BCKDHB: variants seen among roughly 807,000 people sequenced by gnomAD.
The protein encoded by BCKDHB is 2-oxoisovalerate dehydrogenase subunit beta, mitochondrial.
In BCKDHB, 41 loss-of-function variants were observed where a neutral mutation model predicts 48.5. The observed-to-expected ratio is 0.85, with a 90% CI of 0.66 to 1.10. The LOEUF is 1.10. Among genes scored for constraint, BCKDHB ranks in the 50% least tolerant of loss-of-function variants. The probability of loss-of-function intolerance (pLI) is 0.00; values close to 1 mark genes in which losing one functional copy is unlikely to be tolerated. For missense variants in BCKDHB, 496 were observed against 494.2 expected, an observed-to-expected ratio of 1.00 and a Z score of -0.03; for synonymous variants, 201 against 174.8, an observed-to-expected ratio of 1.15 and a Z score of -1.18.
At chr6:80,234,664 G>A (rs191457665) in intron 8 of BCKDHB, among the ~76,000 whole-genome samples, 10 of 152,120 alleles carry the variant, frequency 6.6e-5, no homozygotes, top group African/African-American at 1.7e-4. Context: ...ACTGCCATGC[G>A]ACCCAGCAAT....
At chr6:80,179,835 G>T (rs891365672) in intron 6 of BCKDHB, among the ~76,000 whole-genome samples, 4 of 152,090 alleles carry the variant, frequency 2.6e-5, no homozygotes, top group Non-Finnish European at 4.4e-5. Flanking sequence ...AGTCATTAAG[G>T]GACCTAGTCA....
At chr6:80,318,717 G>GA (rs1237597968) in intron 9 of BCKDHB, among the ~76,000 whole-genome samples, 1 of 145,616 alleles carries the variant, frequency 6.9e-6, no homozygotes, top group Admixed American at 6.8e-5. Flanking sequence ...AAAGAAATTA[G>GA]AAAAAAAAAT....
At chr6:80,182,125 G>A (rs1773441388) in intron 6 of BCKDHB, among the ~76,000 whole-genome samples, 1 of 152,136 alleles carries the variant, frequency 6.6e-6, no homozygotes, top group Admixed American at 6.5e-5. Context: ...TCGCATGGTA[G>A]CATTTCTTGT....
intron 3 of BCKDHB, among the ~76,000 whole-genome samples, chr6:80,161,542 G>C (rs1175346280): frequency 6.6e-6 from 1 of 152,044 alleles, no homozygotes; most frequent in Non-Finnish European, 1.5e-5. Flanking sequence ...TGCCGGGTAA[G>C]TAAGTGCTAA....
chr6:80,197,335 C>T (rs1035569282), intron 6 of BCKDHB, among the ~76,000 whole-genome samples: 2 of 152,044 alleles, frequency 1.3e-5, no homozygotes, highest in South Asian at 4.1e-4. Flanking sequence ...TTCTTATTCT[C>T]CTGTTCTCAG....
rs77490519 is a variant in BCKDHB, at chr6:80,144,767, T to G, written c.343+15538T>G. ...CTCCCATTACATTGAAAGATTTCAG[T>G]AAAGTAAAATTTCAGTAAAATTTGT... is the stretch of plus-strand genomic sequence containing the variant. On this transcript the variant is annotated intron_variant, in intron 3 of 9. Transcript: ENST00000320393. Among the ~76,000 whole-genome samples, 1,208 of 152,246 alleles carry G rather than the reference T, an allele frequency of 7.9e-3. 29 individuals are homozygous for G. The highest frequency in any genetic ancestry group is 0.066 in the Admixed American group (1,001 of 15,276).
At chr6:80,179,614 A>G (rs1773320052) in intron 6 of BCKDHB, among the ~76,000 whole-genome samples, 1 of 152,150 alleles carries the variant, frequency 6.6e-6, no homozygotes, top group Non-Finnish European at 1.5e-5. Context: ...CCCCATGCAT[A>G]CCAAGGGATG....
rs60400623 is a variant in BCKDHB, at chr6:80,333,162, G to A, written c.1039-10502G>A. On this transcript the variant is annotated intron_variant, in intron 9 of 9. Transcript: ENST00000320393. ...AGTACAGAATTCCCCTTGTATCCAA[G>A]CAAGACTTTTACGAAAACTTAAACC... is the stretch of plus-strand genomic sequence containing the variant. 4.4e-3 allele frequency among the ~76,000 whole-genome samples: 674 copies of A among 152,176 alleles called. 3 individuals carry two copies. The highest frequency in any genetic ancestry group is 0.016 in the African/African-American group (646 of 41,504).
intron 6 of BCKDHB, 50 bp from the exon 7 acceptor site, chr6:80,200,884 T>G (rs543879569): frequency 7.2e-7 from 1 of 1,379,604 alleles, no homozygotes; most frequent in Non-Finnish European, 1.0e-6. Context: ...TATGCACAAG[T>G]GTCACCTCAG....
At chr6:80,141,283 CA>C (rs1044916775) in intron 3 of BCKDHB, among the ~76,000 whole-genome samples, 1 of 151,688 alleles carries the variant, frequency 6.6e-6, no homozygotes, top group African/African-American at 2.4e-5. Flanking sequence ...AAAAACCCTT[CA>C]AAAATAAGGA....
At chr6:80,145,729 A>C (rs1379129399) in intron 3 of BCKDHB, among the ~76,000 whole-genome samples, 1 of 152,192 alleles carries the variant, frequency 6.6e-6, no homozygotes, top group African/African-American at 2.4e-5. Context: ...AGTGGGCTGA[A>C]ATATGCTCAG....
At chr6:80,156,706 A>G (rs1019319699) in intron 3 of BCKDHB, among the ~76,000 whole-genome samples, 1 of 152,184 alleles carries the variant, frequency 6.6e-6, no homozygotes, top group African/African-American at 2.4e-5. Context: ...CCATGAGGTT[A>G]TCAGTACTGT....
intron 9 of BCKDHB, among the ~76,000 whole-genome samples, chr6:80,336,239 T>G (rs1769585189): frequency 6.6e-6 from 1 of 151,908 alleles, no homozygotes; most frequent in Admixed American, 6.6e-5. Flanking sequence ...TATATTAATG[T>G]ATGATTTTAT....
At chr6:80,208,048 G>A (rs1216612599) in intron 8 of BCKDHB, among the ~76,000 whole-genome samples, 1 of 151,786 alleles carries the variant, frequency 6.6e-6, no homozygotes, top group Non-Finnish European at 1.5e-5. Context: ...AATAGAATAT[G>A]TAGCATTTGT....
rs1770070456 is a variant in BCKDHB, at chr6:80,122,313, C to CT, written c.197-5232dup. 2.0e-5 allele frequency among the ~76,000 whole-genome samples: 3 copies of CT among 152,258 alleles called. No individual in the cohort carries two copies. In the South Asian group the frequency reaches 6.2e-4, roughly 32 times the overall value. On this transcript the variant is annotated intron_variant, in intron 1 of 9. Transcript: ENST00000320393. ...ATCAGGGATATTAGTCTAAAATTCT[C>CT]TTCTTTTGTTGTGTCTGTCAGGCTT...
intron 6 of BCKDHB, 82 bp from the exon 7 acceptor site, chr6:80,200,852 C>T: frequency 9.1e-7 from 1 of 1,101,518 alleles, no homozygotes; most frequent in Non-Finnish European, 1.4e-6. Flanking sequence ...AGCTTTGCTA[C>T]AGTGAGCTTC....
chr6:80,398,409 C>T, the BCKDHB span, among the ~76,000 whole-genome samples: 2 of 152,154 alleles, frequency 1.3e-5, no homozygotes. Context: ...CCACTGACCA[C>T]ATAGAAATAC....
chr6:80,401,030 A>G, the BCKDHB span, among the ~76,000 whole-genome samples: 1 of 147,016 alleles, frequency 6.8e-6, no homozygotes, highest in East Asian at 1.9e-4. Flanking sequence ...ATATAGACAC[A>G]AAAAGGGAAC....
intron 3 of BCKDHB, among the ~76,000 whole-genome samples, chr6:80,155,259 A>G (rs1490626126): frequency 6.6e-6 from 1 of 152,144 alleles, no homozygotes; most frequent in Admixed American, 6.5e-5. Flanking sequence ...ATTTTAGGAC[A>G]TTGTCCTCAA....
Sources: allele counts gnomAD v4.1 joint callset (sites outside exome capture counted in the v4.1 genomes callset), GRCh38; gene constraint gnomAD v4.1.1; transcripts MANE v1.5; gene names NCBI Gene and HGNC (gene_info 2026-07-23, HGNC 2026-07-21).